The following BICC1 variants were observed in gnomAD, a reference collection of about 807,000 sequenced individuals.
BICC1 encodes BicC family RNA binding protein 1.
In BICC1, 43 loss-of-function variants were observed where a neutral mutation model predicts 111.0. The observed-to-expected ratio is 0.39, with a 90% CI of 0.30 to 0.50. The LOEUF (loss-of-function observed/expected upper bound fraction) is 0.50, where lower values mean the gene tolerates loss of function less well. Among genes scored for constraint, BICC1 ranks in the 20% least tolerant of loss-of-function variants. The probability of loss-of-function intolerance (pLI) is 0.88; values close to 1 mark genes in which losing one functional copy is unlikely to be tolerated. For synonymous variants in BICC1, 467 were observed against 434.4 expected (o/e 1.07, Z -0.93); for missense variants, 1,091 against 1,203.2 (o/e 0.91, Z 1.38).
At chr10:58,643,727 C>T (rs1178677738) in intron 2 of BICC1, among the ~76,000 whole-genome samples, 2 of 152,180 alleles carry the variant, frequency 1.3e-5, no homozygotes, top group African/African-American at 4.8e-5. Flanking sequence ...CCAACAGGAT[C>T]TGAGCTTCCT....
Position 58,800,983 on chromosome 10 carries a change from A to C in BICC1, c.1952A>C (p.Lys651Thr), listed in dbSNP as rs1178643110. 1.9e-6 allele frequency: 3 copies of C among 1,612,880 alleles called. No individual in the cohort carries two copies. Among genetic ancestry groups the C allele is most frequent in the South Asian group, 1.1e-5 (1 of 90,910 alleles). ...GDLKQMMCPS[K>T]VSCAKRQTVE... Reference sequence around the variant, plus strand: ...TTGAAACAGATGATGTGTCCCTCCAAGGTTTCCTGTGCCAAAAGGCAGACA... The same window carrying C: ...TTGAAACAGATGATGTGTCCCTCCACGGTTTCCTGTGCCAAAAGGCAGACA... The change falls in exon 14 of 21, where the codon AAG becomes ACG. Residue 651 changes from lysine to threonine, a missense_variant. Lys to Thr is a moderately conservative substitution (Grantham distance 78). This residue lies in a region of BICC1 where 843 missense variants were observed against 900.8 expected (regional missense o/e 0.94). Transcript: ENST00000373886.
At chr10:58,700,631 A>G (rs1310280374) in intron 2 of BICC1, among the ~76,000 whole-genome samples, 2 of 152,200 alleles carry the variant, frequency 1.3e-5, no homozygotes, top group Non-Finnish European at 2.9e-5. Flanking sequence ...ACATAAGTGT[A>G]GAGAAATATT....
chr10:58,570,477 G>T (rs1272557645), intron 1 of BICC1, among the ~76,000 whole-genome samples: 1 of 152,178 alleles, frequency 6.6e-6, no homozygotes, highest in Non-Finnish European at 1.5e-5. Context: ...GGAGGCGGTG[G>T]CAGGAGCAGC....
At position 58,663,091 on chromosome 10, in the gene BICC1, G is replaced by T. The variant is rs1436079804; in HGVS notation, c.238-38983G>T. Among the ~76,000 whole-genome samples the T allele has an allele frequency of 3.5e-5, 5 of 142,766 alleles. No homozygotes were observed. The Admixed American group carries it at 3.6e-4, about 10-fold the overall frequency. The allele number at this position is 142,766 out of a possible 152,430, so 93.7% of individuals were successfully genotyped here. A position where few individuals can be genotyped will look rare whatever the true frequency, so the allele number is the denominator to read the frequency against. On this transcript the variant is annotated intron_variant, in intron 2 of 20. Coordinates refer to ENST00000373886, the MANE Select transcript of BICC1 (RefSeq NM_001080512.3). ...CTTTTTTTTTTTTTTTTTTGAGACG[G>T]AGTCTTACTCTGTTGCCCAGGCTGC...
At chr10:58,724,196 A>G (rs913304429) in intron 3 of BICC1, among the ~76,000 whole-genome samples, 13 of 152,348 alleles carry the variant, frequency 8.5e-5, no homozygotes, top group Admixed American at 6.5e-4. Flanking sequence ...TGAGAATTAC[A>G]TCATAGGTTG....
intron 1 of BICC1, among the ~76,000 whole-genome samples, chr10:58,585,476 A>G (rs1312096626): frequency 1.3e-5 from 2 of 152,214 alleles, no homozygotes; most frequent in African/African-American, 4.8e-5. Context: ...TTAGGGTAAA[A>G]AAGATCAATG....
At chr10:58,740,613 C>G (rs549377811) in intron 3 of BICC1, among the ~76,000 whole-genome samples, 1 of 152,242 alleles carries the variant, frequency 6.6e-6, no homozygotes, top group East Asian at 1.9e-4. Flanking sequence ...AAAAAAACCT[C>G]TTTGGAAATT....
chr10:58,601,139 C>CTAATATATATATATAT (rs1554810886), intron 1 of BICC1, among the ~76,000 whole-genome samples: 1 of 39,848 alleles, frequency 2.5e-5, no homozygotes, highest in African/African-American at 6.3e-5. Flanking sequence ...CATTTTAAAA[C>CTAATATATATATATAT]TTATATATAT....
In BICC1 at chr10:58,817,424, G is replaced by A. The variant is rs550069043; in HGVS notation, c.2534-138G>A. ...ATGGAAAGCCAATATTTCAGTAAAG[G>A]ATTGCTGTATTTCTACAGCTACTGC... On this transcript the variant is annotated intron_variant, in intron 18 of 20. Transcript: ENST00000373886. 123 of 889,766 alleles carry A rather than the reference G, an allele frequency of 1.4e-4. 1 individual carries two copies. The highest frequency in any genetic ancestry group is 2.1e-4 in the Non-Finnish European group (120 of 560,904). The allele number at this position is 889,766 out of a possible 1,614,324, so 55.1% of individuals were successfully genotyped here.
chr10:58,722,066 T>G (rs1055941013), intron 3 of BICC1, among the ~76,000 whole-genome samples: 1 of 152,248 alleles, frequency 6.6e-6, no homozygotes, highest in African/African-American at 2.4e-5. Flanking sequence ...TTCCTATGAT[T>G]CTTCATGATC....
intron 1 of BICC1, among the ~76,000 whole-genome samples, chr10:58,589,681 G>T (rs2132035814): frequency 6.6e-6 from 1 of 152,120 alleles, no homozygotes; most frequent in Admixed American, 6.5e-5. Context: ...TCGCTATGTT[G>T]TCCAGGCCAG....
At chr10:58,615,401 T>C (rs1249050958) in intron 1 of BICC1, among the ~76,000 whole-genome samples, 1 of 151,864 alleles carries the variant, frequency 6.6e-6, no homozygotes, top group Non-Finnish European at 1.5e-5. Flanking sequence ...GAGTTTGGAG[T>C]GCAGGCTCCC....
In BICC1 at chr10:58,789,667, AC is replaced by A. The variant is rs765566873; in HGVS notation, c.796-12del. The A allele has an allele frequency of 1.9e-6, 3 of 1,613,660 alleles. No individual in the cohort carries two copies. The highest frequency in any genetic ancestry group is 2.2e-5 in the South Asian group (2 of 91,056). On this transcript the variant is annotated splice_polypyrimidine_tract_variant and intron_variant, in intron 7 of 20. Transcript: ENST00000373886. ...TAATGTATAGGATTATTTCTTTCCC[AC>A]CCTTTTCTCTTAGGAAGGAACTGCC...
intron 8 of BICC1, 41 bp from the exon 9 acceptor site, chr10:58,793,443 A>G (rs1457794285): frequency 1.3e-6 from 2 of 1,565,020 alleles, no homozygotes; most frequent in African/African-American, 2.7e-5. Flanking sequence ...TTAAATGATT[A>G]AATTTTTACC....
chr10:58,797,608 A>C (rs1048474799), intron 10 of BICC1, among the ~76,000 whole-genome samples: 2 of 152,204 alleles, frequency 1.3e-5, no homozygotes, highest in African/African-American at 2.4e-5. Flanking sequence ...TTCATCCTGC[A>C]CTACAGAGAA....
intron 1 of BICC1, among the ~76,000 whole-genome samples, chr10:58,519,784 C>A (rs970006640): frequency 6.6e-6 from 1 of 152,118 alleles, no homozygotes; most frequent in Non-Finnish European, 1.5e-5. Flanking sequence ...TGAACAGAAT[C>A]TAGGACCACT....
At chr10:58,549,242 A>G (rs924776485) in intron 1 of BICC1, among the ~76,000 whole-genome samples, 14 of 152,128 alleles carry the variant, frequency 9.2e-5, no homozygotes, top group African/African-American at 3.4e-4. Flanking sequence ...GCTCTTGACC[A>G]GTATAAATAA....
At chr10:58,673,486 G>A in intron 2 of BICC1, among the ~76,000 whole-genome samples, 1 of 152,286 alleles carries the variant, frequency 6.6e-6, no homozygotes, top group East Asian at 1.9e-4. Flanking sequence ...GACAGGTGCT[G>A]GACTATAAAG....
At chr10:58,732,375 GTATGTATATATATATATATATATA>G (rs1263801479) in intron 3 of BICC1, among the ~76,000 whole-genome samples, 2 of 6,070 alleles carry the variant, frequency 3.3e-4, no homozygotes, top group Admixed American at 2.6e-3. Flanking sequence ...GTGTGTGTGT[GTATGTATATATATATATATATATA>G]TATATATATA....
Sources: gnomAD v4.1 joint callset for allele counts (sites outside exome capture counted in the v4.1 genomes callset) on GRCh38, gnomAD v4.1.1 for gene constraint, gnomAD v4.1.1 regional missense constraint, MANE v1.5 for transcripts, NCBI Gene and HGNC (gene_info 2026-07-23, HGNC 2026-07-21) for gene names.